GMDS: variants seen among roughly 807,000 people sequenced by gnomAD.
GMDS encodes GDP-mannose 4,6-dehydratase.
Under a neutral mutation model 49.9 loss-of-function variants are expected in GMDS, and 20 were observed. The ratio of observed to expected loss-of-function variants is 0.40; its 90% CI spans 0.28 to 0.58. The LOEUF (loss-of-function observed/expected upper bound fraction) is 0.58, where lower values mean the gene tolerates loss of function less well. Among genes scored for constraint, GMDS ranks in the 20% least tolerant of loss-of-function variants. The pLI, the probability that GMDS is intolerant of heterozygous loss-of-function variation, is 0.42. For missense variants in GMDS, 362 were observed against 481.4 expected (o/e 0.75, Z 2.32); for synonymous variants, 177 against 178.6 (o/e 0.99, Z 0.07).
At chr6:2,039,910 C>T (rs1183020384) in intron 4 of GMDS, among the ~76,000 whole-genome samples, 1 of 152,130 alleles carries the variant, frequency 6.6e-6, no homozygotes, top group Non-Finnish European at 1.5e-5. Flanking sequence ...ATGTACAGTA[C>T]ATAACTGTAT....
At chr6:1,809,278 TACTAGTGTCCAG>T (rs1253399926) in intron 7 of GMDS, among the ~76,000 whole-genome samples, 2 of 152,206 alleles carry the variant, frequency 1.3e-5, no homozygotes, top group East Asian at 1.9e-4. Context: ...AAGTGTAAAA[TACTAGTGTCCAG>T]ACATCTGAGA....
chr6:1,828,060 A>G (rs751767122), intron 7 of GMDS, among the ~76,000 whole-genome samples: 2 of 152,172 alleles, frequency 1.3e-5, no homozygotes, highest in African/African-American at 2.4e-5. Flanking sequence ...CAGGAAAACA[A>G]TGTATGAACA....
At chr6:1,875,087 C>CT (rs750421358) in intron 7 of GMDS, among the ~76,000 whole-genome samples, 1 of 152,078 alleles carries the variant, frequency 6.6e-6, no homozygotes, top group Non-Finnish European at 1.5e-5. Context: ...AAACATGGGA[C>CT]TGCCCCCTAT....
intron 1 of GMDS, among the ~76,000 whole-genome samples, chr6:2,240,927 G>A (rs751541081): frequency 6.6e-6 from 1 of 152,228 alleles, no homozygotes; most frequent in Non-Finnish European, 1.5e-5. Flanking sequence ...ATGTGATAGT[G>A]AAAGAAAACA....
At chr6:2,197,438 T>C (rs1307220263) in intron 1 of GMDS, among the ~76,000 whole-genome samples, 1 of 152,172 alleles carries the variant, frequency 6.6e-6, no homozygotes, top group African/African-American at 2.4e-5. Flanking sequence ...GGAGGCTTTG[T>C]TGCCAGCTGT....
At chr6:2,215,188 A>AT (rs1780266213) in intron 1 of GMDS, among the ~76,000 whole-genome samples, 1 of 152,204 alleles carries the variant, frequency 6.6e-6, no homozygotes, top group South Asian at 2.1e-4. Flanking sequence ...CAAACAGATT[A>AT]TAAGAGAGGA....
chr6:1,993,402 T>A (rs577159018), intron 4 of GMDS, among the ~76,000 whole-genome samples: 1 of 152,322 alleles, frequency 6.6e-6, no homozygotes, highest in African/African-American at 2.4e-5. Flanking sequence ...TTCTGACTTG[T>A]GGACTCCTGA....
At chr6:1,956,262 T>G (rs911611928) in intron 6 of GMDS, among the ~76,000 whole-genome samples, 1 of 152,104 alleles carries the variant, frequency 6.6e-6, no homozygotes, top group African/African-American at 2.4e-5. Flanking sequence ...ACTACAAGAC[T>G]CCATAGATGA....
rs760871822 is a variant in GMDS, at chr6:1,967,154, G to A, written c.346-6188C>T. On this transcript the variant is annotated intron_variant, in intron 4 of 10. Coordinates refer to ENST00000380815, the MANE Select transcript of GMDS (RefSeq NM_001500.4). ...CTGCCTCCCTCGCTAAAAACATCCC[G>A]TCCTTGCCATTCTATCCTTATCCAC... 5.1e-4 allele frequency among the ~76,000 whole-genome samples: 77 copies of A among 152,152 alleles called. 2 individuals carry two copies. Among genetic ancestry groups the A allele is most frequent in the Middle Eastern group, 6.8e-3 (2 of 294 alleles).
chr6:1,967,063 C>G (rs1452877509), intron 4 of GMDS, among the ~76,000 whole-genome samples: 3 of 152,166 alleles, frequency 2.0e-5, no homozygotes, highest in African/African-American at 7.2e-5. Context: ...AGTCTGGCGT[C>G]AGCTGGTCCT....
intron 8 of GMDS, among the ~76,000 whole-genome samples, chr6:1,740,945 T>C (rs1020040043): frequency 9.9e-5 from 15 of 152,218 alleles, no homozygotes; most frequent in African/African-American, 3.6e-4. Flanking sequence ...TGGCCACGAA[T>C]TGTCAATATT....
chr6:1,866,166 AT>A, intron 7 of GMDS, among the ~76,000 whole-genome samples: 1 of 152,340 alleles, frequency 6.6e-6, no homozygotes, highest in African/African-American at 2.4e-5. Context: ...TAAACACTGC[AT>A]TTTTGAGAGT....
At chr6:2,102,473 G>A (rs1471858136) in intron 4 of GMDS, among the ~76,000 whole-genome samples, 2 of 152,126 alleles carry the variant, frequency 1.3e-5, no homozygotes, top group East Asian at 1.9e-4. Context: ...CTTGAGACAC[G>A]ATTCTTTTGA....
intron 1 of GMDS, among the ~76,000 whole-genome samples, chr6:2,196,276 T>A (rs1423066997): frequency 6.6e-6 from 1 of 152,240 alleles, no homozygotes; most frequent in African/African-American, 2.4e-5. Context: ...GTGGTTTATT[T>A]CCCTCACTGC....
At chr6:2,056,912 T>TA (rs1298449316) in intron 4 of GMDS, among the ~76,000 whole-genome samples, 3 of 152,088 alleles carry the variant, frequency 2.0e-5, no homozygotes, top group African/African-American at 2.4e-5. Flanking sequence ...TTTTTTAAAA[T>TA]AAAAAAATGT....
intron 7 of GMDS, among the ~76,000 whole-genome samples, chr6:1,768,374 TA>T (rs1768441158): frequency 6.6e-6 from 1 of 152,236 alleles, no homozygotes; most frequent in South Asian, 2.1e-4. Context: ...CATTTGCTTC[TA>T]AAAATTTAAT....
chr6:2,190,202 A>T (rs1778952503), intron 1 of GMDS, among the ~76,000 whole-genome samples: 2 of 152,248 alleles, frequency 1.3e-5, no homozygotes, highest in South Asian at 4.1e-4. Context: ...TGGGAACCTG[A>T]CATTGCAAAC....
At chr6:2,214,418 CAG>C (rs1399382804) in intron 1 of GMDS, among the ~76,000 whole-genome samples, 1 of 152,132 alleles carries the variant, frequency 6.6e-6, no homozygotes, top group African/African-American at 2.4e-5. Flanking sequence ...TGAACATGTA[CAG>C]ACCTTTATTG....
At chr6:1,885,082 G>A (rs1581305241) in intron 7 of GMDS, among the ~76,000 whole-genome samples, 1 of 152,312 alleles carries the variant, frequency 6.6e-6, no homozygotes, top group East Asian at 1.9e-4. Context: ...TTAAAAGGAT[G>A]TTTTAAGTAA....
Sources: gnomAD v4.1 joint callset for allele counts (sites outside exome capture counted in the v4.1 genomes callset) on GRCh38, gnomAD v4.1.1 for gene constraint, MANE v1.5 for transcripts, NCBI Gene and HGNC (gene_info 2026-07-23, HGNC 2026-07-21) for gene names.